Variants in LYPD6 observed in about 807,000 individuals in gnomAD.
LYPD6 encodes the protein LY6/PLAUR domain containing 6.
Under a neutral mutation model 22.7 loss-of-function variants are expected in LYPD6, and 15 were observed. The observed-to-expected ratio is 0.66, with a 90% CI of 0.44 to 1.02. The LOEUF is 1.02. Ranked by LOEUF, LYPD6 falls within the 50% of genes least tolerant of loss-of-function variation. The pLI is 0.00. For missense variants in LYPD6, 189 were observed against 208.4 expected, an observed-to-expected ratio of 0.91 and a Z score of 0.57; for synonymous variants, 72 against 77.5, an observed-to-expected ratio of 0.93 and a Z score of 0.37.
In LYPD6 at chr2:149,462,085, T is replaced by G. The variant is rs146068634; in HGVS notation, c.218-6560T>G. 5.6e-4 allele frequency among the ~76,000 whole-genome samples: 85 copies of G among 152,080 alleles called. 2 individuals are homozygous for G. In the East Asian group the frequency reaches 0.015, roughly 27 times the overall value. On this transcript the variant is annotated intron_variant, in intron 3 of 4. Transcript: ENST00000334166. Reference sequence around the variant, plus strand: ...AAAAGTAAATAAAAGACATACAGATTGGAAAGGAAAATATGACTGTCCTTT... The same window carrying G: ...AAAAGTAAATAAAAGACATACAGATGGGAAAGGAAAATATGACTGTCCTTT...
intron 3 of LYPD6, 65 bp from the exon 4 acceptor site, chr2:149,468,580 T>G: frequency 6.4e-7 from 1 of 1,556,850 alleles, no homozygotes; most frequent in Non-Finnish European, 8.7e-7. Flanking sequence ...GACACTCCTG[T>G]TATTTTCCTT....
intron 1 of LYPD6, among the ~76,000 whole-genome samples, chr2:149,369,846 C>T (rs1030114773): frequency 4.0e-5 from 6 of 151,722 alleles, no homozygotes; most frequent in African/African-American, 9.7e-5. Flanking sequence ...TTCATTTAGA[C>T]GGGTAAGGCA....
At chr2:149,404,912 A>G (rs1410580121) in intron 1 of LYPD6, among the ~76,000 whole-genome samples, 1 of 152,168 alleles carries the variant, frequency 6.6e-6, no homozygotes, top group Non-Finnish European at 1.5e-5. Flanking sequence ...CATCCCATCA[A>G]TACCTAATTG....
At chr2:149,466,205 C>G (rs1376086952) in intron 3 of LYPD6, among the ~76,000 whole-genome samples, 3 of 152,170 alleles carry the variant, frequency 2.0e-5, no homozygotes, top group African/African-American at 4.8e-5. Context: ...GATCACAACA[C>G]ATATAGAAGG....
At chr2:149,466,286 A>G (rs1487408213) in intron 3 of LYPD6, among the ~76,000 whole-genome samples, 2 of 152,220 alleles carry the variant, frequency 1.3e-5, no homozygotes, top group East Asian at 3.8e-4. Context: ...CTTAAACCAC[A>G]GAACCTTTTT....
chr2:149,436,990 A>T (rs543490050), intron 1 of LYPD6, among the ~76,000 whole-genome samples: 1 of 152,366 alleles, frequency 6.6e-6, no homozygotes, highest in South Asian at 2.1e-4. Context: ...CAGATCTGCT[A>T]CTTATTTGCT....
At chr2:149,398,354 T>G (rs1434674295) in intron 1 of LYPD6, among the ~76,000 whole-genome samples, 1 of 152,170 alleles carries the variant, frequency 6.6e-6, no homozygotes, top group Non-Finnish European at 1.5e-5. Context: ...TGTAAAGTTC[T>G]GTTTTTCCTA....
intron 1 of LYPD6, among the ~76,000 whole-genome samples, chr2:149,394,779 C>A (rs1276176697): frequency 6.6e-6 from 1 of 152,126 alleles, no homozygotes; most frequent in African/African-American, 2.4e-5. Context: ...TTGATACTCA[C>A]TCCCTGCTCA....
intron 2 of LYPD6, among the ~76,000 whole-genome samples, chr2:149,444,890 G>A (rs529311807): frequency 6.6e-5 from 10 of 152,314 alleles, no homozygotes; most frequent in African/African-American, 2.4e-4. Context: ...AATCACAAAT[G>A]TTCTTAATGG....
At chr2:149,478,016 G>T (rs921599498), downstream of LYPD6, among the ~76,000 whole-genome samples, 1 of 152,166 alleles carries the variant, frequency 6.6e-6, no homozygotes, top group Non-Finnish European at 1.5e-5. Context: ...GGCTGCTTCT[G>T]TGATTATTAT....
chr2:149,395,587 G>A (rs2105103049), intron 1 of LYPD6, among the ~76,000 whole-genome samples: 1 of 151,942 alleles, frequency 6.6e-6, no homozygotes, highest in African/African-American at 2.4e-5. Flanking sequence ...TTTTAGAGTT[G>A]GTGTTCCTAG....
chr2:149,414,936 G>A (rs980722755), intron 1 of LYPD6, among the ~76,000 whole-genome samples: 2 of 152,090 alleles, frequency 1.3e-5, no homozygotes. Flanking sequence ...GTTACGTTTT[G>A]TTCATTTTGA....
intron 1 of LYPD6, among the ~76,000 whole-genome samples, chr2:149,413,914 C>CATAG (rs979980892): frequency 2.6e-5 from 4 of 152,208 alleles, no homozygotes; most frequent in Non-Finnish European, 5.9e-5. Flanking sequence ...TCAATAAGAA[C>CATAG]ATATCTTATA....
At chr2:149,434,264 GT>G (rs1198631729) in intron 1 of LYPD6, among the ~76,000 whole-genome samples, 1 of 152,152 alleles carries the variant, frequency 6.6e-6, no homozygotes, top group East Asian at 1.9e-4. Flanking sequence ...ACATGGAAGA[GT>G]AAGTTAAAAA....
chr2:149,362,399 G>A (rs1464636252), intron 1 of LYPD6, among the ~76,000 whole-genome samples: 1 of 152,058 alleles, frequency 6.6e-6, no homozygotes, highest in Non-Finnish European at 1.5e-5. Flanking sequence ...TTTTAGGCTA[G>A]GTTTGATAAC....
chr2:149,445,848 T>G (rs1221137711), intron 2 of LYPD6, among the ~76,000 whole-genome samples: 2 of 152,234 alleles, frequency 1.3e-5, no homozygotes, highest in Non-Finnish European at 2.9e-5. Flanking sequence ...TTTAACTTCC[T>G]TCAAGAACCT....
intron 1 of LYPD6, among the ~76,000 whole-genome samples, chr2:149,417,287 T>G (rs1682985554): frequency 6.6e-6 from 1 of 152,230 alleles, no homozygotes; most frequent in Non-Finnish European, 1.5e-5. Context: ...CGCCATAAGC[T>G]CTATACTGCC....
Position 149,473,473 on chromosome 2 carries a change from T to A in LYPD6, c.*2623T>A, listed in dbSNP as rs1318290076. 6.6e-6 allele frequency: 1 copy of A among 152,636 alleles called. No homozygotes were observed. Among genetic ancestry groups the A allele is most frequent in the African/African-American group, 2.4e-5 (1 of 41,460 alleles). The allele number at this position is 152,636 out of a possible 1,614,324, so 9.5% of individuals were successfully genotyped here. A position where few individuals can be genotyped will look rare whatever the true frequency, so the allele number is the denominator to read the frequency against. On this transcript the variant is annotated 3_prime_UTR_variant, in exon 5 of 5. Coordinates refer to ENST00000334166, the MANE Select transcript of LYPD6 (RefSeq NM_194317.5). ...ATTACATCTCAATATTGGTAATGGC[T>A]TAAGTGTAAAGAGCCATGATGTGTA...
the LYPD6 span, among the ~76,000 whole-genome samples, chr2:149,479,200 G>A: frequency 1.3e-5 from 2 of 152,128 alleles, no homozygotes; most frequent in Non-Finnish European, 2.9e-5. Context: ...ACTTCCATTG[G>A]CTTCCATGAA....
Sources: allele counts gnomAD v4.1 joint callset (sites outside exome capture counted in the v4.1 genomes callset), GRCh38; gene constraint gnomAD v4.1.1; transcripts MANE v1.5; gene names NCBI Gene and HGNC (gene_info 2026-07-23, HGNC 2026-07-21).